PRKN: variants seen among roughly 807,000 people sequenced by gnomAD.
PRKN encodes the protein parkin RBR E3 ubiquitin protein ligase, also known as E3 ubiquitin-protein ligase parkin.
PRKN carries 56 observed loss-of-function variants against 59.5 expected under a neutral mutation model. The ratio of observed to expected loss-of-function variants is 0.94; its 90% confidence interval spans 0.76 to 1.18. The LOEUF (loss-of-function observed/expected upper bound fraction) is 1.18. PRKN is among the 50% of genes most tolerant of loss of function. PRKN has a pLI of 0.00. For missense variants in PRKN, 657 were observed against 596.4 expected (o/e 1.10, Z -1.06); for synonymous variants, 250 against 222.1 (o/e 1.13, Z -1.12).
At chr6:162,349,172 A>C (rs890226447) in intron 2 of PRKN, among the ~76,000 whole-genome samples, 2 of 152,208 alleles carry the variant, frequency 1.3e-5, no homozygotes, top group Non-Finnish European at 2.9e-5. Context: ...GCAGAAAATT[A>C]AAAAGGAATG....
Position 162,569,515 on chromosome 6 carries a change from A to G in PRKN, c.8-126042T>C, listed in dbSNP as rs71567657. 159 of 704,434 alleles carry G rather than the reference A, an allele frequency of 2.3e-4. 1 individual carries two copies. Among genetic ancestry groups the G allele is most frequent in the Middle Eastern group, 8.2e-4 (2 of 2,446 alleles). 43.6% of individuals were successfully genotyped at this position (704,434 alleles called of 1,614,324 possible). A position where few individuals can be genotyped will look rare whatever the true frequency, so the allele number is the denominator to read the frequency against. Reference sequence around the variant, plus strand: ...GGATGCAGAACATGAGTATCCATACAAAGACCACCAGCGCCTATGCAGATG... The same window carrying G: ...GGATGCAGAACATGAGTATCCATACGAAGACCACCAGCGCCTATGCAGATG... On this transcript the variant is annotated intron_variant, in intron 1 of 11. Coordinates refer to ENST00000366898, the MANE Select transcript of PRKN (RefSeq NM_004562.3).
intron 1 of PRKN, among the ~76,000 whole-genome samples, chr6:162,626,314 G>A (rs1273617690): frequency 6.6e-6 from 1 of 152,128 alleles, no homozygotes; most frequent in African/African-American, 2.4e-5. Flanking sequence ...GAATGACTGT[G>A]CTATATTTGC....
chr6:162,660,162 TGTATA>T (rs1425899517), intron 1 of PRKN, among the ~76,000 whole-genome samples: 1 of 152,196 alleles, frequency 6.6e-6, no homozygotes, highest in African/African-American at 2.4e-5. Flanking sequence ...TTATTTTAAA[TGTATA>T]GTATAATCAT....
chr6:162,105,630 C>T (rs1780163582), intron 4 of PRKN, among the ~76,000 whole-genome samples: 1 of 152,142 alleles, frequency 6.6e-6, no homozygotes, highest in South Asian at 2.1e-4. Context: ...AAACTCCTGA[C>T]CTCACGTGAT....
intron 7 of PRKN, among the ~76,000 whole-genome samples, chr6:161,574,378 G>C (rs1382322265): frequency 6.6e-6 from 1 of 152,150 alleles, no homozygotes; most frequent in Non-Finnish European, 1.5e-5. Context: ...TGGAGCAATA[G>C]AGACCATGTC....
intron 3 of PRKN, among the ~76,000 whole-genome samples, chr6:162,233,441 T>C (rs932932938): frequency 5.3e-5 from 8 of 152,164 alleles, no homozygotes; most frequent in Admixed American, 6.6e-5. Context: ...ACTGATGCAG[T>C]GTCACAAATG....
Position 161,454,417 on chromosome 6 carries a change from AATC to A in PRKN, c.1084-67543_1084-67541del, listed in dbSNP as rs1316427006. Among the ~76,000 whole-genome samples the A allele has an allele frequency of 6.6e-6, 1 of 152,190 alleles. No homozygotes were observed. The highest frequency in any genetic ancestry group is 1.9e-4 in the East Asian group (1 of 5,194). On this transcript the variant is annotated intron_variant, in intron 9 of 11. Coordinates refer to ENST00000366898, the MANE Select transcript of PRKN (RefSeq NM_004562.3). This position sits in a 1 kb window ranked among gnomAD's most constrained non-coding sequence, Gnocchi z 4.6. ...TTGGGAAACCCTTGACTGCTTGAGGAATCCTTTCCAATTCCTTCCTTAACCAGG... is the reference window on the plus strand; with the variant it reads ...TTGGGAAACCCTTGACTGCTTGAGGACTTTCCAATTCCTTCCTTAACCAGG...
At chr6:162,603,644 G>A (rs974517460) in intron 1 of PRKN, among the ~76,000 whole-genome samples, 6 of 152,094 alleles carry the variant, frequency 3.9e-5, no homozygotes, top group African/African-American at 9.7e-5. Flanking sequence ...TTACTGAAAC[G>A]AATAACAATG....
At position 161,900,663 on chromosome 6, in the gene PRKN, TTA is replaced by T. The variant is rs1157948045; in HGVS notation, c.734+72637_734+72638del. Among the ~76,000 whole-genome samples, 15 of 130,862 alleles carry T rather than the reference TTA, an allele frequency of 1.1e-4. 1 individual carries two copies. The East Asian group carries it at 1.2e-3, about 11-fold the overall frequency. 85.9% of individuals were successfully genotyped at this position (130,862 alleles called of 152,430 possible). ...TATTATATATTATATATAACATATA[TTA>T]TATATGTTATATATAATATATTATA... On this transcript the variant is annotated intron_variant, in intron 6 of 11. Transcript: ENST00000366898.
rs1359963074 is a variant in PRKN at position 161,460,627 on chromosome 6, A to T, written c.1084-73750T>A. On this transcript the variant is annotated intron_variant, in intron 9 of 11. Coordinates refer to ENST00000366898, the MANE Select transcript of PRKN (RefSeq NM_004562.3). This position sits in a 1 kb window ranked among gnomAD's most constrained non-coding sequence, Gnocchi z 5.0. ...CCGGGGGCACAAGGCCAAGCTGAAGAAGACACAACTTCATCGCCGTGAGCA... is the reference window on the plus strand; with the variant it reads ...CCGGGGGCACAAGGCCAAGCTGAAGTAGACACAACTTCATCGCCGTGAGCA... Among the ~76,000 whole-genome samples, 3 of 152,182 alleles carry T rather than the reference A, an allele frequency of 2.0e-5. No individual in the cohort carries two copies. The highest frequency in any genetic ancestry group is 4.4e-5 in the Non-Finnish European group (3 of 68,038).
intron 4 of PRKN, among the ~76,000 whole-genome samples, chr6:162,149,094 G>A (rs748172973): frequency 3.3e-5 from 5 of 152,022 alleles, no homozygotes; most frequent in South Asian, 2.1e-4. Flanking sequence ...CCATTTCTGC[G>A]GCTGTCACCA....
chr6:162,021,779 T>C (rs1460271361), intron 5 of PRKN, among the ~76,000 whole-genome samples: 4 of 152,116 alleles, frequency 2.6e-5, no homozygotes, highest in Admixed American at 2.0e-4. Context: ...TGGGCTACCA[T>C]TGAATCCATC....
intron 6 of PRKN, among the ~76,000 whole-genome samples, chr6:161,946,414 A>ACTCTCTCTCTCTCT (rs61537965): frequency 8.7e-6 from 1 of 114,376 alleles, no homozygotes; most frequent in Admixed American, 9.0e-5. Flanking sequence ...ACACACACAC[A>ACTCTCTCTCTCTCT]CTCTCTCTCT....
intron 7 of PRKN, among the ~76,000 whole-genome samples, chr6:161,612,708 G>C (rs1782531168): frequency 9.1e-6 from 1 of 109,472 alleles, no homozygotes; most frequent in Admixed American, 1.4e-4. Flanking sequence ...GTGACAGTCA[G>C]ACTCCATCTC....
At chr6:161,699,221 T>C (rs1786148287) in intron 7 of PRKN, among the ~76,000 whole-genome samples, 1 of 152,100 alleles carries the variant, frequency 6.6e-6, no homozygotes, top group Admixed American at 6.6e-5. Context: ...ATATCAAGTG[T>C]TGAGAATGAG....
rs371106100 is a variant in PRKN, at chr6:162,171,468, C to T, written c.534+29663G>A. On this transcript the variant is annotated intron_variant, in intron 4 of 11. Transcript: ENST00000366898. Reference sequence around the variant, plus strand: ...CCCTAAGCAAGTTTCTTCACCGCTCCGTTTCAGATTCCTCCTCTGTCAAAC... The same window carrying T: ...CCCTAAGCAAGTTTCTTCACCGCTCTGTTTCAGATTCCTCCTCTGTCAAAC... Among the ~76,000 whole-genome samples, 30 of 152,096 alleles carry T rather than the reference C, an allele frequency of 2.0e-4. 1 individual carries two copies. Among genetic ancestry groups the T allele is most frequent in the East Asian group, 5.8e-4 (3 of 5,164 alleles).
chr6:162,301,804 A>G (rs990464476), intron 2 of PRKN, among the ~76,000 whole-genome samples: 1 of 143,350 alleles, frequency 7.0e-6, no homozygotes, highest in South Asian at 2.2e-4. Flanking sequence ...TGCAGAATTC[A>G]CTTTCCCTGA....
intron 2 of PRKN, among the ~76,000 whole-genome samples, chr6:162,321,376 T>C (rs989361742): frequency 6.6e-6 from 1 of 151,910 alleles, no homozygotes; most frequent in African/African-American, 2.4e-5. Flanking sequence ...AAGAAACTGA[T>C]ACTGCATTAA....
chr6:161,777,355 T>C (rs1467775972), intron 7 of PRKN, among the ~76,000 whole-genome samples: 1 of 152,122 alleles, frequency 6.6e-6, no homozygotes, highest in South Asian at 2.1e-4. Context: ...CTGGATGGTA[T>C]TTTAAGCCAG....
Sources: allele counts gnomAD v4.1 joint callset (sites outside exome capture counted in the v4.1 genomes callset), GRCh38; gene constraint gnomAD v4.1.1; non-coding constraint Gnocchi (gnomAD v3.1); transcripts MANE v1.5; gene names NCBI Gene and HGNC (gene_info 2026-07-23, HGNC 2026-07-21).